The following PYGL variants were observed in gnomAD, a reference collection of about 807,000 sequenced individuals.
The protein encoded by PYGL is glycogen phosphorylase, liver form.
A neutral mutation model predicts 100.1 loss-of-function variants in PYGL; 90 were observed. That is an observed-to-expected ratio of 0.90 (90% CI 0.76 to 1.07). The LOEUF (loss-of-function observed/expected upper bound fraction) is 1.07. PYGL is among the 50% of genes least tolerant of loss of function. The probability of loss-of-function intolerance (pLI) is 0.00; values close to 1 mark genes in which losing one functional copy is unlikely to be tolerated. For missense variants in PYGL, 1,016 were observed against 1,057.6 expected (o/e 0.96, Z 0.55); for synonymous variants, 373 against 393.0 (o/e 0.95, Z 0.60).
At chr14:50,906,195 AGAAG>A (rs1034302505) in intron 19 of PYGL, among the ~76,000 whole-genome samples, 3 of 152,208 alleles carry the variant, frequency 2.0e-5, no homozygotes, top group African/African-American at 7.2e-5. Flanking sequence ...GAATATGATA[AGAAG>A]GAATTTATTT....
chr14:50,914,886 C>A, intron 11 of PYGL, 71 bp from the exon 12 acceptor site: 2 of 1,190,306 alleles, frequency 1.7e-6, no homozygotes, highest in South Asian at 2.4e-5. Flanking sequence ...GGACAAAGTT[C>A]GGAGTTATAT....
At chr14:50,908,683 TGCTAATCTACATGAGTGGGTTTA>T in intron 18 of PYGL, 115 bp downstream of exon 18, 2 of 1,254,072 alleles carry the variant, frequency 1.6e-6, no homozygotes, top group Non-Finnish European at 2.3e-6. Flanking sequence ...CGCTAATCTA[TGCTAATCTACATGAGTGGGTTTA>T]AGTTGGTTTA....
At chr14:50,921,165 G>C (rs183354085) in intron 5 of PYGL, 98 bp from the exon 6 acceptor site, 1 of 941,088 alleles carries the variant, frequency 1.1e-6, no homozygotes, top group African/African-American at 1.6e-5. Context: ...TCTATTCCTG[G>C]CTCCATTACC....
chr14:50,909,085 A>T (rs950837497), intron 17 of PYGL, 130 bp from the exon 18 acceptor site: 13 of 1,040,516 alleles, frequency 1.2e-5, no homozygotes, highest in Non-Finnish European at 1.8e-5. Flanking sequence ...AGACTTCATT[A>T]TAGATTTCAC....
chr14:50,906,033 G>A (rs2050332891), intron 19 of PYGL, among the ~76,000 whole-genome samples: 1 of 152,138 alleles, frequency 6.6e-6, no homozygotes, highest in African/African-American at 2.4e-5. Flanking sequence ...AGGCTTTATT[G>A]ACCTACTTAG....
chr14:50,909,811 G>T (rs2050373890), intron 17 of PYGL, 84 bp downstream of exon 17: 2 of 1,450,584 alleles, frequency 1.4e-6, no homozygotes, highest in Non-Finnish European at 1.9e-6. Context: ...TGGGATATCG[G>T]TGTGGGCAGG....
chr14:50,908,919 C>T lies in PYGL; in HGVS notation c.2214G>A (p.Glu738=), dbSNP rs973488296. ...CAATTTGATCAATGACCAGCTTCAG[C>T]TCTGGAAGTGCCTCATAGTATTCTT... ...EAKEYYEALP[E]LKLVIDQIDN... is the part of the protein sequence containing the mutation. The change falls in exon 18 of 20, where the codon GAG becomes GAA. Residue 738 remains glutamate (E), a synonymous_variant. Transcript: ENST00000216392. The T allele has an allele frequency of 6.3e-7, 1 of 1,595,836 alleles. No individual in the cohort carries two copies.
At chr14:50,921,101 T>C (rs750132282) in intron 5 of PYGL, 34 bp from the exon 6 acceptor site, 6 of 1,523,126 alleles carry the variant, frequency 3.9e-6, no homozygotes, top group Non-Finnish European at 9.1e-7. Flanking sequence ...TGCTCATTGT[T>C]TCCCAAGTGT....
At chr14:50,941,163 G>A (rs935174925) in intron 1 of PYGL, among the ~76,000 whole-genome samples, 8 of 152,198 alleles carry the variant, frequency 5.3e-5, no homozygotes, top group Non-Finnish European at 7.3e-5. Flanking sequence ...AGACCACAAT[G>A]CACAGAATGA....
chr14:50,932,623 T>G (rs2050612393), intron 3 of PYGL, among the ~76,000 whole-genome samples: 1 of 152,228 alleles, frequency 6.6e-6, no homozygotes, highest in African/African-American at 2.4e-5. Flanking sequence ...ATGTCCTTTT[T>G]GATTGAAGCA....
Position 50,915,505 on chromosome 14 carries a change from C to T in PYGL, c.1240-6G>A. 1 of 1,614,092 alleles carries T rather than the reference C, an allele frequency of 6.2e-7. No individual in the cohort carries two copies. The highest frequency in any genetic ancestry group is 1.1e-5 in the South Asian group (1 of 91,080). Reference sequence around the variant, plus strand: ...GGAAACAAGGCCACAATTCTCTAGCCAAAGGAAGAGAAAGCCCTTGCTGGT... The same window carrying T: ...GGAAACAAGGCCACAATTCTCTAGCTAAAGGAAGAGAAAGCCCTTGCTGGT... On this transcript the variant is annotated splice_region_variant and splice_polypyrimidine_tract_variant and intron_variant, in intron 10 of 19. Coordinates refer to ENST00000216392, the MANE Select transcript of PYGL (RefSeq NM_002863.5).
chr14:50,929,560 A>G (rs997927818), intron 4 of PYGL, among the ~76,000 whole-genome samples: 1 of 152,226 alleles, frequency 6.6e-6, no homozygotes, highest in Non-Finnish European at 1.5e-5. Flanking sequence ...AGACAAAAAA[A>G]AAATTGAGAT....
chr14:50,922,377 G>A (rs1045904538), intron 5 of PYGL, among the ~76,000 whole-genome samples: 6 of 152,052 alleles, frequency 3.9e-5, no homozygotes, highest in African/African-American at 7.2e-5. Context: ...CGTGATCACC[G>A]CGACCTCAAA....
Position 50,908,862 on chromosome 14 carries a change from G to T in PYGL, c.2271C>A (p.Asp757Glu). ...DNGFFSPKQP[D>E]LFKDIINMLF... ...GCATGTTGATGATATCTTTGAAGAG[G>T]TCAGGCTGCTTGGGAGAAAAAAAGC... Residue 757 changes from aspartate to glutamate, a missense_variant, in exon 18 of 20, where the codon GAC becomes GAA. Asp to Glu is a conservative substitution (Grantham distance 45). Transcript: ENST00000216392. 1.9e-6 allele frequency: 3 copies of T among 1,571,312 alleles called. No individual in the cohort carries two copies. Among genetic ancestry groups the T allele is most frequent in the Non-Finnish European group, 2.6e-6 (3 of 1,141,348 alleles).
chr14:50,938,497 C>T (rs2050675747), intron 1 of PYGL, among the ~76,000 whole-genome samples: 1 of 152,234 alleles, frequency 6.6e-6, no homozygotes, highest in African/African-American at 2.4e-5. Flanking sequence ...GAGGCGCGAG[C>T]CACTGCGCCC....
rs767453665 is a variant in PYGL at position 50,910,138 on chromosome 14, C to T, written c.1970-36G>A. 9 of 1,571,762 alleles carry T rather than the reference C, an allele frequency of 5.7e-6. No homozygotes were observed. The African/African-American group carries it at 1.2e-4, about 21-fold the overall frequency. ...GGTAAGTTAAAATTAGTAATTTTGT[C>T]TGTCTAGATCTGCTTGTATTGTATT... is the stretch of plus-strand genomic sequence containing the variant. On this transcript the variant is annotated intron_variant, in intron 16 of 19. Transcript: ENST00000216392.
At chr14:50,935,567 C>T (rs1490042100) in intron 2 of PYGL, among the ~76,000 whole-genome samples, 3 of 152,140 alleles carry the variant, frequency 2.0e-5, no homozygotes, top group Non-Finnish European at 2.9e-5. Context: ...TAGAACTATT[C>T]TTGGGCAGAT....
intron 4 of PYGL, among the ~76,000 whole-genome samples, 187 bp downstream of exon 4, chr14:50,931,486 G>C (rs962582226): frequency 2.0e-5 from 3 of 152,170 alleles, no homozygotes; most frequent in Non-Finnish European, 2.9e-5. Flanking sequence ...GATACTGGAA[G>C]GCTCTCTGTT....
At chr14:50,914,581 C>T (rs2050428253) in intron 12 of PYGL, 120 bp downstream of exon 12, 3 of 769,484 alleles carry the variant, frequency 3.9e-6, no homozygotes, top group South Asian at 2.9e-5. Flanking sequence ...TGTGTGACTG[C>T]ACAAACCACA....
Sources: allele counts gnomAD v4.1 joint callset (sites outside exome capture counted in the v4.1 genomes callset), GRCh38; gene constraint gnomAD v4.1.1; transcripts MANE v1.5; gene names NCBI Gene and HGNC (gene_info 2026-07-23, HGNC 2026-07-21).